USP37: variants seen among roughly 807,000 people sequenced by gnomAD.
The protein encoded by USP37 is ubiquitin specific peptidase 37.
Under a neutral mutation model 124.0 loss-of-function variants are expected in USP37, and 27 were observed. The ratio of observed to expected loss-of-function variants is 0.22; its 90% CI spans 0.16 to 0.30. USP37 has a LOEUF of 0.30. Ranked by LOEUF, USP37 falls within the 10% of genes least tolerant of loss-of-function variation. The probability of loss-of-function intolerance (pLI) is 1.00; values close to 1 mark genes in which losing one functional copy is unlikely to be tolerated. For missense variants in USP37, 889 were observed against 1,140.4 expected, an observed-to-expected ratio of 0.78 and a Z score of 3.17; for synonymous variants, 365 against 388.0, an observed-to-expected ratio of 0.94 and a Z score of 0.70.
rs1689455686 is a variant in USP37, at chr2:218,450,708, T to C, written c.*4222A>G. Reference sequence around the variant, plus strand: ...CAGTTTAGTTGACTGTTCTTCTTTGTTCTGGCATCTGACTGGACCAACCTG... The same window carrying C: ...CAGTTTAGTTGACTGTTCTTCTTTGCTCTGGCATCTGACTGGACCAACCTG... On this transcript the variant is annotated 3_prime_UTR_variant, in exon 26 of 26. Coordinates refer to ENST00000258399, the MANE Select transcript of USP37 (RefSeq NM_020935.3). The C allele has an allele frequency of 6.6e-6, 1 of 152,252 alleles. No homozygotes were observed. The highest frequency in any genetic ancestry group is 2.4e-5 in the African/African-American group (1 of 41,452). The allele number at this position is 152,252 out of a possible 1,614,324, so 9.4% of individuals were successfully genotyped here.
At chr2:218,477,006 AG>A in intron 18 of USP37, 25 bp from the exon 19 acceptor site, 1 of 1,485,424 alleles carries the variant, frequency 6.7e-7, no homozygotes, top group South Asian at 1.4e-5. Context: ...AAAAAAAAAA[AG>A]CCTGATAAAC....
chr2:218,552,634 C>T (rs1005106638), intron 5 of USP37, among the ~76,000 whole-genome samples: 7 of 135,994 alleles, frequency 5.1e-5, no homozygotes, highest in Non-Finnish European at 9.3e-5. Flanking sequence ...GAAAAAGTGC[C>T]TGTAAATGCA....
At chr2:218,511,994 T>TAATAG (rs1690027490) in intron 10 of USP37, among the ~76,000 whole-genome samples, 2 of 152,156 alleles carry the variant, frequency 1.3e-5, no homozygotes, top group South Asian at 4.1e-4. Flanking sequence ...TACTTTTCTA[T>TAATAG]AAGATTTACT....
In USP37 at chr2:218,561,225, C is replaced by T. The variant is rs117102324; in HGVS notation, c.-88-342G>A. On this transcript the variant is annotated intron_variant, in intron 2 of 25. Coordinates refer to ENST00000258399, the MANE Select transcript of USP37 (RefSeq NM_020935.3). ...ACATCCTTGAGACTTTTTTCCACTC[C>T]GCCACTCAGTGCTACAAAGAATACA... Among the ~76,000 whole-genome samples the T allele has an allele frequency of 1.4e-3, 212 of 152,190 alleles. 5 individuals are homozygous for T. The East Asian group carries it at 0.04, about 29-fold the overall frequency.
At chr2:218,482,302 A>G (rs1691310079) in intron 16 of USP37, 68 bp from the exon 17 acceptor site, 2 of 1,513,304 alleles carry the variant, frequency 1.3e-6, no homozygotes, top group Non-Finnish European at 1.8e-6. Context: ...ACAGTAAAAG[A>G]GATCACTCTA....
At chr2:218,501,081 C>T (rs1574891119) in intron 11 of USP37, 2 of 151,334 alleles carry the variant, frequency 1.3e-5, no homozygotes, top group East Asian at 3.9e-4. Context: ...TTCTGTTGCC[C>T]AGGCTGGAGC....
intron 19 of USP37, among the ~76,000 whole-genome samples, chr2:218,476,302 AGTG>A (rs1451452592): frequency 1.3e-5 from 2 of 152,120 alleles, no homozygotes. Flanking sequence ...GGCTGGGAGT[AGTG>A]GCTCATGCCT....
intron 10 of USP37, among the ~76,000 whole-genome samples, chr2:218,510,771 T>C (rs141402588): frequency 0.013 from 1,943 of 152,226 alleles, 48 homozygotes; most frequent in African/African-American, 0.045. Context: ...GGTGGGCGGA[T>C]TGCTTGAGCT....
rs566677850 is a variant in USP37, at chr2:218,510,786, A to T, written c.864-646T>A. ...GGTGGGCGGATTGCTTGAGCTCAGG[A>T]GTTTGAGACCAGCTTGGGCAACCTG... On this transcript the variant is annotated intron_variant, in intron 10 of 25. Transcript: ENST00000258399. 5.3e-5 allele frequency among the ~76,000 whole-genome samples: 8 copies of T among 152,238 alleles called. No homozygotes were observed. In the South Asian group the frequency reaches 1.7e-3, roughly 32 times the overall value.
At chr2:218,506,599 A>G (rs961991988) in intron 11 of USP37, among the ~76,000 whole-genome samples, 3 of 127,938 alleles carry the variant, frequency 2.3e-5, no homozygotes, top group Non-Finnish European at 5.1e-5. Flanking sequence ...CTGGCTTTTT[A>G]TACTTCTTTT....
chr2:218,544,977 C>T (rs1248946780), intron 8 of USP37, among the ~76,000 whole-genome samples: 6 of 152,016 alleles, frequency 3.9e-5, no homozygotes, highest in African/African-American at 1.2e-4. Flanking sequence ...TAGAGAAGAC[C>T]GCACCCAGAG....
chr2:218,453,157 T>G lies in USP37; in HGVS notation c.*1773A>C, dbSNP rs1264002310. Reference sequence around the variant, plus strand: ...GAAAACTTAGAATAGTTTACTACATTAGAATACATCCAAGTTCCAAGAGTA... The same window carrying G: ...GAAAACTTAGAATAGTTTACTACATGAGAATACATCCAAGTTCCAAGAGTA... On this transcript the variant is annotated 3_prime_UTR_variant, in exon 26 of 26. Transcript: ENST00000258399. 1.3e-5 allele frequency: 2 copies of G among 152,160 alleles called. No individual in the cohort carries two copies. Among genetic ancestry groups the G allele is most frequent in the Non-Finnish European group, 2.9e-5 (2 of 68,034 alleles). The allele number at this position is 152,160 out of a possible 1,614,324, so 9.4% of individuals were successfully genotyped here.
intron 4 of USP37, among the ~76,000 whole-genome samples, chr2:218,555,540 T>C (rs192180300): frequency 1.3e-4 from 20 of 152,268 alleles, no homozygotes; most frequent in Admixed American, 3.9e-4. Context: ...AAACGCATTA[T>C]TTCAGTCAAT....
chr2:218,486,014 A>T (rs1691542962), intron 15 of USP37: 1 of 353,292 alleles, frequency 2.8e-6, no homozygotes, highest in Non-Finnish European at 5.0e-6. Context: ...TCTAAAATAG[A>T]AGATTCTTAG....
intron 15 of USP37, among the ~76,000 whole-genome samples, chr2:218,486,948 G>A (rs1465912743): frequency 2.6e-5 from 4 of 151,884 alleles, no homozygotes; most frequent in African/African-American, 9.7e-5. Flanking sequence ...GGATGGTCTC[G>A]ATCTCCTGAC....
intron 14 of USP37, among the ~76,000 whole-genome samples, chr2:218,489,094 G>A (rs1435099349): frequency 6.6e-6 from 1 of 151,710 alleles, no homozygotes; most frequent in African/African-American, 2.4e-5. Flanking sequence ...GTGGTGGCTG[G>A]TGCCTGTAAT....
chr2:218,566,867 T>C (rs1229203275), intron 1 of USP37, among the ~76,000 whole-genome samples: 27 of 152,050 alleles, frequency 1.8e-4, no homozygotes, highest in Admixed American at 1.8e-3. Flanking sequence ...GCCTCCCAAG[T>C]GTGTAGCCTG....
rs1689168140 is a variant in USP37 at position 218,498,017 on chromosome 2, A to T, written c.1157+9T>A. 6.9e-6 allele frequency: 11 copies of T among 1,598,592 alleles called. No individual in the cohort carries two copies. Among genetic ancestry groups the T allele is most frequent in the African/African-American group, 1.3e-5 (1 of 74,180 alleles). Reference sequence around the variant, plus strand: ...AGGTTACTCAGTAAGTACAGTACATAATGATTACCTGATAAGTGCATTGAG... The same window carrying T: ...AGGTTACTCAGTAAGTACAGTACATTATGATTACCTGATAAGTGCATTGAG... On this transcript the variant is annotated intron_variant, in intron 12 of 25. Coordinates refer to ENST00000258399, the MANE Select transcript of USP37 (RefSeq NM_020935.3).
rs892574360 is a variant in USP37, at chr2:218,495,902, T to C, written c.1330A>G (p.Met444Val). ...SQCLDQLKEDMEKLNKTWKTE... is the reference protein window; with the variant it reads ...SQCLDQLKEDVEKLNKTWKTE... ...TTCCAAGTTTTATTTAATTTTTCCA[T>C]ATCTTCTTTCAGCTGGTCCAAACAC... The change falls in exon 14 of 26, where the codon ATG becomes GTG. Residue 444 changes from methionine (M) to valine (V), a missense_variant. By Grantham distance (21) the Met-to-Val change is conservative. This residue lies in a region of USP37 where 504 missense variants were observed against 714.3 expected (regional missense o/e 0.71). Transcript: ENST00000258399. The C allele has an allele frequency of 1.2e-6, 2 of 1,613,664 alleles. No homozygotes were observed. Among genetic ancestry groups the C allele is most frequent in the Non-Finnish European group, 1.7e-6 (2 of 1,179,986 alleles).
Sources: gnomAD v4.1 joint callset for allele counts (sites outside exome capture counted in the v4.1 genomes callset) on GRCh38, gnomAD v4.1.1 for gene constraint, gnomAD v4.1.1 regional missense constraint, MANE v1.5 for transcripts, NCBI Gene and HGNC (gene_info 2026-07-23, HGNC 2026-07-21) for gene names.